LRIF1: variants seen among roughly 807,000 people sequenced by gnomAD.
LRIF1 encodes the protein ligand dependent nuclear receptor interacting factor 1.
Under a neutral mutation model 52.7 loss-of-function variants are expected in LRIF1, and 32 were observed. That is an observed-to-expected ratio of 0.61 (90% CI 0.46 to 0.82). LRIF1 has a LOEUF of 0.82. Ranked by LOEUF, LRIF1 falls within the 40% of genes least tolerant of loss-of-function variation. LRIF1 has a pLI of 0.00. For missense variants in LRIF1, 887 were observed against 892.0 expected (o/e 0.99, Z 0.07); for synonymous variants, 323 against 317.4 (o/e 1.02, Z -0.19).
At chr1:110,897,515 A>C in the LRIF1 span, among the ~76,000 whole-genome samples, 5 of 152,222 alleles carry the variant, frequency 3.3e-5, no homozygotes, top group Non-Finnish European at 7.3e-5. Context: ...GTTCAAAGAC[A>C]GTAGGACGTC....
the LRIF1 span, among the ~76,000 whole-genome samples, chr1:110,904,487 G>A: frequency 2.0e-5 from 3 of 152,174 alleles, no homozygotes; most frequent in African/African-American, 7.2e-5. Flanking sequence ...AAGAGAACAA[G>A]ATTCTCTGCC....
At chr1:110,885,552 AAAC>A in the LRIF1 span, among the ~76,000 whole-genome samples, 1 of 149,832 alleles carries the variant, frequency 6.7e-6, no homozygotes, top group Admixed American at 6.7e-5. Flanking sequence ...AACAAAAAAC[AAAC>A]AACAACAACA....
Position 110,963,620 on chromosome 1 carries a change from C to A in LRIF1, c.68+1G>T. ...GGGGAGGATTCGAAACCGGTACTTA[C>A]CAACGCGAGGCGTTGCCTGAATTTT... On this transcript the variant is annotated splice_donor_variant, in intron 1 of 3. Coordinates refer to ENST00000369763, the MANE Select transcript of LRIF1 (RefSeq NM_018372.4). LOFTEE classifies it high-confidence loss of function. The A allele has an allele frequency of 1.2e-6, 2 of 1,608,634 alleles. No individual in the cohort carries two copies. Among genetic ancestry groups the A allele is most frequent in the Non-Finnish European group, 1.7e-6 (2 of 1,175,880 alleles).
the LRIF1 span, among the ~76,000 whole-genome samples, chr1:110,919,406 C>T: frequency 6.6e-6 from 1 of 151,596 alleles, no homozygotes; most frequent in Non-Finnish European, 1.5e-5. Flanking sequence ...TGCTTCCTGC[C>T]CTCAAACATC....
At chr1:110,915,916 C>A in the LRIF1 span, among the ~76,000 whole-genome samples, 1 of 152,316 alleles carries the variant, frequency 6.6e-6, no homozygotes, top group Non-Finnish European at 1.5e-5. Flanking sequence ...GTAGTAGATG[C>A]CTGACTGACA....
At chr1:110,897,598 A>T in the LRIF1 span, 10 of 452,208 alleles carry the variant, frequency 2.2e-5, no homozygotes, top group Non-Finnish European at 4.0e-5. Context: ...ATTAGTTACC[A>T]CTGTAATGAT....
chr1:110,930,239 C>A, the LRIF1 span, among the ~76,000 whole-genome samples: 1 of 152,128 alleles, frequency 6.6e-6, no homozygotes, highest in African/African-American at 2.4e-5. Context: ...GATTGTTAAT[C>A]AGCCATTTTG....
the LRIF1 span, among the ~76,000 whole-genome samples, chr1:110,887,150 G>A: frequency 2.6e-5 from 4 of 151,722 alleles, no homozygotes; most frequent in Non-Finnish European, 4.4e-5. Context: ...TCCAAGCTCC[G>A]TCTCCCGGGT....
At chr1:110,886,367 T>C in the LRIF1 span, among the ~76,000 whole-genome samples, 2 of 152,186 alleles carry the variant, frequency 1.3e-5, no homozygotes, top group Non-Finnish European at 2.9e-5. Context: ...TTGGAGTTCA[T>C]TGAGCTATTG....
Position 110,947,719 on chromosome 1 carries a change from A to AG in LRIF1, c.*239_*240insC, listed in dbSNP as rs1658260766. 4.6e-5 allele frequency: 16 copies of AG among 348,130 alleles called. No individual in the cohort carries two copies. The allele number at this position is 348,130 out of a possible 1,614,324, so 21.6% of individuals were successfully genotyped here. A position where few individuals can be genotyped will look rare whatever the true frequency, so the allele number is the denominator to read the frequency against. On this transcript the variant is annotated 3_prime_UTR_variant, in exon 4 of 4. Transcript: ENST00000369763. ...GAATTCTAGTTAAAATAATAGAAAA[A>AG]TATAAAATTTATCCTTCCAAAAAAA... is the stretch of plus-strand genomic sequence containing the variant.
Position 110,952,483 on chromosome 1 carries a change from T to A in LRIF1, c.401A>T (p.Lys134Ile), listed in dbSNP as rs1463982839. ...GTGNFSSSVSKVQSHGVKIDG... is the reference protein window; with the variant it reads ...GTGNFSSSVSIVQSHGVKIDG... ...AATTTTCACACCATGACTCTGAACT[T>A]TAGAAACTGATGAAGAAAAATTTCC... Residue 134 changes from lysine to isoleucine, a missense_variant, in exon 2 of 4, where the codon AAA becomes ATA. Physicochemically the swap from Lys to Ile is moderately radical, Grantham distance 102. Transcript: ENST00000369763. 1.2e-6 allele frequency: 2 copies of A among 1,613,352 alleles called. No individual in the cohort carries two copies. The highest frequency in any genetic ancestry group is 1.7e-6 in the Non-Finnish European group (2 of 1,179,386).
chr1:110,879,948 G>A, the LRIF1 span, among the ~76,000 whole-genome samples: 2 of 152,054 alleles, frequency 1.3e-5, no homozygotes, highest in African/African-American at 2.4e-5. Context: ...ACATGGTGCT[G>A]TTAGTACAGG....
At chr1:110,893,437 C>T in the LRIF1 span, among the ~76,000 whole-genome samples, 1 of 152,190 alleles carries the variant, frequency 6.6e-6, no homozygotes, top group Admixed American at 6.5e-5. Context: ...ATTCTCCTGC[C>T]TCAGCCTCCC....
chr1:110,923,517 A>G, the LRIF1 span, among the ~76,000 whole-genome samples: 1 of 152,208 alleles, frequency 6.6e-6, no homozygotes, highest in African/African-American at 2.4e-5. Flanking sequence ...TCACATGAAA[A>G]TTTTTTATCA....
At chr1:110,881,002 T>G in the LRIF1 span, among the ~76,000 whole-genome samples, 1 of 151,990 alleles carries the variant, frequency 6.6e-6, no homozygotes, top group Non-Finnish European at 1.5e-5. Context: ...ATTACCAAAG[T>G]AAGGAAGGAA....
the LRIF1 span, among the ~76,000 whole-genome samples, chr1:110,913,134 C>G: frequency 6.6e-6 from 1 of 152,200 alleles, no homozygotes; most frequent in South Asian, 2.1e-4. Flanking sequence ...AAGACTGAAA[C>G]TGGACCTCTT....
the LRIF1 span, chr1:110,880,364 G>A: frequency 2.6e-5 from 4 of 152,274 alleles, no homozygotes; most frequent in African/African-American, 9.6e-5. Flanking sequence ...AATTTAGTAT[G>A]AGTCTGGAGA....
chr1:110,879,522 C>T, the LRIF1 span, among the ~76,000 whole-genome samples: 1 of 95,458 alleles, frequency 1.0e-5, no homozygotes, highest in African/African-American at 2.8e-5. Flanking sequence ...CTTAGAGACT[C>T]ACAGTGCACA....
At chr1:110,927,577 G>T in the LRIF1 span, among the ~76,000 whole-genome samples, 1 of 152,120 alleles carries the variant, frequency 6.6e-6, no homozygotes. Context: ...AAGAGAAGCT[G>T]AAGAAAGATC....
Sources: gnomAD v4.1 joint callset for allele counts (sites outside exome capture counted in the v4.1 genomes callset) on GRCh38, gnomAD v4.1.1 for gene constraint, MANE v1.5 for transcripts, NCBI Gene and HGNC (gene_info 2026-07-23, HGNC 2026-07-21) for gene names.